Variants in IGF2BP2 observed in about 807,000 individuals in gnomAD.
IGF2BP2 encodes insulin like growth factor 2 mRNA binding protein 2.
IGF2BP2 carries 17 observed loss-of-function variants against 75.8 expected under a neutral mutation model. That is an observed-to-expected ratio of 0.22 (90% CI 0.15 to 0.34). IGF2BP2 has a LOEUF of 0.34. Ranked by LOEUF, IGF2BP2 falls within the 10% of genes least tolerant of loss-of-function variation. IGF2BP2 has a pLI of 1.00. For synonymous variants in IGF2BP2, 288 were observed against 295.6 expected (o/e 0.97, Z 0.26); for missense variants, 516 against 772.4 (o/e 0.67, Z 3.93).
At chr3:185,803,814 G>C (rs1473662083) in intron 2 of IGF2BP2, among the ~76,000 whole-genome samples, 1 of 152,196 alleles carries the variant, frequency 6.6e-6, no homozygotes, top group Non-Finnish European at 1.5e-5. Flanking sequence ...GATCATAAAA[G>C]GGAAATAAGC....
At chr3:185,661,721 A>C (rs1716481860) in intron 10 of IGF2BP2, among the ~76,000 whole-genome samples, 1 of 151,556 alleles carries the variant, frequency 6.6e-6, no homozygotes, top group Admixed American at 6.6e-5. Flanking sequence ...GGACACAGTT[A>C]TTAAGACAGT....
At chr3:185,673,142 A>G (rs1718785109) in intron 9 of IGF2BP2, among the ~76,000 whole-genome samples, 1 of 152,178 alleles carries the variant, frequency 6.6e-6, no homozygotes, top group Non-Finnish European at 1.5e-5. Flanking sequence ...ATCAGCTCAA[A>G]TGCCCTGTCT....
intron 2 of IGF2BP2, among the ~76,000 whole-genome samples, chr3:185,772,161 T>C (rs551676448): frequency 2.0e-4 from 30 of 152,308 alleles, no homozygotes; most frequent in Non-Finnish European, 3.1e-4. Context: ...AGGATTTCTG[T>C]CTGTTTTGTT....
chr3:185,746,287 G>A (rs1410910880), intron 2 of IGF2BP2, among the ~76,000 whole-genome samples: 1 of 152,132 alleles, frequency 6.6e-6, no homozygotes, highest in Non-Finnish European at 1.5e-5. Flanking sequence ...AGGAAGTGAT[G>A]TCCCAGCGCC....
chr3:185,663,294 G>A (rs1289493375), intron 10 of IGF2BP2, among the ~76,000 whole-genome samples: 1 of 152,146 alleles, frequency 6.6e-6, no homozygotes, highest in Non-Finnish European at 1.5e-5. Flanking sequence ...AGGGGGAAAG[G>A]AGGTGTGGTG....
chr3:185,679,266 C>T (rs1350485658), intron 7 of IGF2BP2, among the ~76,000 whole-genome samples: 2 of 151,232 alleles, frequency 1.3e-5, no homozygotes, highest in Non-Finnish European at 3.0e-5. Context: ...TTTGTGCGTT[C>T]TCATAGATTT....
chr3:185,683,533 C>T (rs1300025952), intron 7 of IGF2BP2, among the ~76,000 whole-genome samples: 1 of 152,064 alleles, frequency 6.6e-6, no homozygotes, highest in Non-Finnish European at 1.5e-5. Flanking sequence ...CTCAGCCTCC[C>T]AAGTAGCTGG....
At chr3:185,787,164 A>G (rs1209639397) in intron 2 of IGF2BP2, among the ~76,000 whole-genome samples, 1 of 152,176 alleles carries the variant, frequency 6.6e-6, no homozygotes, top group Non-Finnish European at 1.5e-5. Flanking sequence ...TTTAATGGGT[A>G]TAGAGTTTCT....
At chr3:185,807,912 G>A (rs1390002743) in intron 2 of IGF2BP2, among the ~76,000 whole-genome samples, 3 of 152,200 alleles carry the variant, frequency 2.0e-5, no homozygotes. Context: ...CCTGAAAGAT[G>A]ATGAGTCAGA....
intron 15 of IGF2BP2, 74 bp downstream of exon 15, chr3:185,646,951 G>C: frequency 8.6e-7 from 1 of 1,163,182 alleles, no homozygotes; most frequent in South Asian, 1.2e-5. Flanking sequence ...GTGGCCACCT[G>C]ACAGGCCACC....
At chr3:185,665,431 GAGGAGGAGA>G (rs1371523453) in intron 10 of IGF2BP2, among the ~76,000 whole-genome samples, 7 of 122,480 alleles carry the variant, frequency 5.7e-5, no homozygotes, top group Non-Finnish European at 1.2e-4. Context: ...GGAGAAGGAG[GAGGAGGAGA>G]AGGAGGAGGA....
At chr3:185,765,197 G>A (rs1053402638) in intron 2 of IGF2BP2, among the ~76,000 whole-genome samples, 7 of 152,074 alleles carry the variant, frequency 4.6e-5, no homozygotes, top group East Asian at 1.9e-4. Flanking sequence ...AAGCTCTGGC[G>A]TGTTTTAACT....
chr3:185,694,459 G>GC (rs1323618251), intron 4 of IGF2BP2, among the ~76,000 whole-genome samples: 1 of 152,220 alleles, frequency 6.6e-6, no homozygotes, highest in South Asian at 2.1e-4. Context: ...TCTGTGACGA[G>GC]CTAAGCTCCA....
At chr3:185,774,775 GGGCAGATCACAAGGTCAC>G (rs1255758912) in intron 2 of IGF2BP2, among the ~76,000 whole-genome samples, 3 of 152,088 alleles carry the variant, frequency 2.0e-5, no homozygotes, top group Admixed American at 1.3e-4. Flanking sequence ...AGACCAAGGT[GGGCAGATCACAAGGTCAC>G]GGCAGATCAC....
Position 185,672,633 on chromosome 3 carries a change from C to T in IGF2BP2, c.1108G>A (p.Ala370Thr), listed in dbSNP as rs200027200. ...AGTCCTGTTGAAAAGATGCCAAGTG[C>T]GCTGAGGTTCAACCCTGGGATCAGA... Reference protein sequence around the residue: ...ANLIPGLNLSALGIFSTGLSV... With the variant: ...ANLIPGLNLSTLGIFSTGLSV... Residue 370 changes from alanine to threonine, a missense_variant, in exon 10 of 16, where the codon GCA (alanine) becomes ACA (threonine). This residue lies in a region of IGF2BP2 where 312 missense variants were observed against 474.5 expected (regional missense o/e 0.66). Transcript: ENST00000382199. 1.7e-5 allele frequency: 27 copies of T among 1,614,040 alleles called. No individual in the cohort carries two copies. The highest frequency in any genetic ancestry group is 3.3e-5 in the South Asian group (3 of 91,064).
Position 185,720,066 on chromosome 3 carries a change from C to A in IGF2BP2, c.240-21719G>T, listed in dbSNP as rs760700662. Among the ~76,000 whole-genome samples, 54 of 152,130 alleles carry A rather than the reference C, an allele frequency of 3.5e-4. 1 individual carries two copies. The highest frequency in any genetic ancestry group is 1.5e-4 in the Non-Finnish European group (10 of 68,020). ...CCGGAAAGTGGGAAAATATTCTCCCCCAGGCAACCTTCCATCAACAAGGAG... is the reference window on the plus strand; with the variant it reads ...CCGGAAAGTGGGAAAATATTCTCCCACAGGCAACCTTCCATCAACAAGGAG... On this transcript the variant is annotated intron_variant, in intron 2 of 15. Transcript: ENST00000382199.
At chr3:185,820,450 A>T (rs984211969) in intron 2 of IGF2BP2, among the ~76,000 whole-genome samples, 3 of 152,108 alleles carry the variant, frequency 2.0e-5, no homozygotes, top group Non-Finnish European at 4.4e-5. Flanking sequence ...CTTTTATTCA[A>T]CAGAGCCTGA....
chr3:185,696,042 G>A (rs949226756), intron 4 of IGF2BP2, among the ~76,000 whole-genome samples: 8 of 152,094 alleles, frequency 5.3e-5, no homozygotes, highest in Non-Finnish European at 7.4e-5. Flanking sequence ...CCACCTGGGC[G>A]TCACAAAGTG....
intron 2 of IGF2BP2, among the ~76,000 whole-genome samples, chr3:185,713,074 A>ATGTGTGTGTG (rs201252245): frequency 1.4e-5 from 2 of 144,486 alleles, no homozygotes; most frequent in East Asian, 4.1e-4. Flanking sequence ...ACAGATATGT[A>ATGTGTGTGTG]TGTGTGTGTG....
Sources: gnomAD v4.1 joint callset for allele counts (sites outside exome capture counted in the v4.1 genomes callset) on GRCh38, gnomAD v4.1.1 for gene constraint, gnomAD v4.1.1 regional missense constraint, MANE v1.5 for transcripts, NCBI Gene and HGNC (gene_info 2026-07-23, HGNC 2026-07-21) for gene names.